Variants in PLA2G4A observed in about 807,000 individuals in gnomAD.
PLA2G4A encodes the protein phospholipase A2 group IVA.
In PLA2G4A, 40 loss-of-function variants were observed where a neutral mutation model predicts 81.9. The observed-to-expected ratio is 0.49, with a 90% CI of 0.38 to 0.64. PLA2G4A has a LOEUF of 0.64. PLA2G4A is among the 30% of genes least tolerant of loss of function. PLA2G4A has a pLI of 0.00. For synonymous variants in PLA2G4A, 302 were observed against 296.9 expected (o/e 1.02, Z -0.18); for missense variants, 715 against 905.1 (o/e 0.79, Z 2.69).
chr1:186,869,732 A>G (rs1267823908), intron 2 of PLA2G4A, among the ~76,000 whole-genome samples: 3 of 152,148 alleles, frequency 2.0e-5, no homozygotes, highest in Admixed American at 6.6e-5. Context: ...TTAGATAAAG[A>G]CCTTGTAATC....
intron 17 of PLA2G4A, among the ~76,000 whole-genome samples, chr1:186,986,558 C>T (rs759862716): frequency 2.0e-5 from 3 of 152,190 alleles, no homozygotes; most frequent in Non-Finnish European, 4.4e-5. Flanking sequence ...TTCTTGGCTA[C>T]ACACCTGGTG....
intron 6 of PLA2G4A, among the ~76,000 whole-genome samples, chr1:186,907,619 C>G (rs999556422): frequency 1.3e-5 from 2 of 152,220 alleles, no homozygotes; most frequent in African/African-American, 4.8e-5. Flanking sequence ...CTCTCTGCAT[C>G]TCTTTGAACT....
chr1:186,854,530 G>C, intron 2 of PLA2G4A, 143 bp downstream of exon 2: 1 of 612,616 alleles, frequency 1.6e-6, no homozygotes, highest in Non-Finnish European at 3.0e-6. Context: ...ATAATACAAA[G>C]AGGCTATGGA....
intron 7 of PLA2G4A, among the ~76,000 whole-genome samples, chr1:186,921,358 A>G (rs879446378): frequency 8.5e-5 from 13 of 152,214 alleles, no homozygotes; most frequent in Non-Finnish European, 1.5e-4. Context: ...ATGAGTCTGT[A>G]TAATAGTTTG....
At chr1:186,912,264 AC>A (rs1430337503) in intron 7 of PLA2G4A, among the ~76,000 whole-genome samples, 1 of 152,164 alleles carries the variant, frequency 6.6e-6, no homozygotes, top group Non-Finnish European at 1.5e-5. Context: ...AACATCCCAC[AC>A]CAGAGTGGTA....
chr1:186,836,951 A>G (rs1651798681), intron 1 of PLA2G4A, among the ~76,000 whole-genome samples: 1 of 152,186 alleles, frequency 6.6e-6, no homozygotes, highest in African/African-American at 2.4e-5. Context: ...GACGGATAAA[A>G]AGCCATCTAC....
At chr1:186,981,374 AT>A (rs1317582980) in intron 17 of PLA2G4A, among the ~76,000 whole-genome samples, 1 of 152,174 alleles carries the variant, frequency 6.6e-6, no homozygotes, top group Admixed American at 6.5e-5. Flanking sequence ...ATACAGTTTT[AT>A]TTATATATTT....
intron 14 of PLA2G4A, 108 bp from the exon 15 acceptor site, chr1:186,965,301 G>C (rs1454529588): frequency 2.5e-6 from 2 of 808,118 alleles, no homozygotes; most frequent in East Asian, 2.7e-5. Flanking sequence ...CAAAGCCTGA[G>C]GGCCTAATCA....
At chr1:186,936,328 A>G (rs1268739837) in intron 8 of PLA2G4A, among the ~76,000 whole-genome samples, 1 of 151,980 alleles carries the variant, frequency 6.6e-6, no homozygotes, top group Non-Finnish European at 1.5e-5. Context: ...AAAGGTCAAG[A>G]TATGTGTTAG....
At chr1:186,892,308 A>G (rs1200332848) in intron 3 of PLA2G4A, among the ~76,000 whole-genome samples, 1 of 151,668 alleles carries the variant, frequency 6.6e-6, no homozygotes, top group East Asian at 1.9e-4. Context: ...ATGTGATCCC[A>G]TTTGCCCATT....
intron 10 of PLA2G4A, among the ~76,000 whole-genome samples, chr1:186,945,069 T>A (rs7526859): frequency 0.96 from 145,829 of 152,218 alleles, 69,899 homozygotes; most frequent in East Asian, 1. Flanking sequence ...ATGAAGTGGG[T>A]TAGAGAATTA....
Position 186,883,092 on chromosome 1 carries a change from G to C in PLA2G4A, c.116-9919G>C, listed in dbSNP as rs570867345. ...ATATTGAGTTTGAGGTATCTTTAAG[G>C]TATTCAAGGTATTTTTGAGGCATTT... On this transcript the variant is annotated intron_variant, in intron 3 of 17. Coordinates refer to ENST00000367466, the MANE Select transcript of PLA2G4A (RefSeq NM_024420.3). Among the ~76,000 whole-genome samples the C allele has an allele frequency of 2.0e-5, 3 of 152,038 alleles. No individual in the cohort carries two copies. The East Asian group carries it at 5.8e-4, about 29-fold the overall frequency.
At chr1:186,875,375 A>G (rs1653428422) in intron 3 of PLA2G4A, among the ~76,000 whole-genome samples, 1 of 152,096 alleles carries the variant, frequency 6.6e-6, no homozygotes, top group Admixed American at 6.6e-5. Flanking sequence ...ATCAATGAGA[A>G]TGATAGAAAT....
intron 7 of PLA2G4A, 104 bp from the exon 8 acceptor site, chr1:186,932,659 T>C: frequency 8.4e-7 from 1 of 1,187,122 alleles, no homozygotes; most frequent in Non-Finnish European, 1.3e-6. Flanking sequence ...CTTACACTTC[T>C]TTGTGACAAA....
chr1:186,915,977 C>T (rs536206387), intron 7 of PLA2G4A, among the ~76,000 whole-genome samples: 2 of 152,268 alleles, frequency 1.3e-5, no homozygotes, highest in South Asian at 4.1e-4. Flanking sequence ...GGTACTAATT[C>T]TCGGGCTTTC....
chr1:186,841,514 A>G (rs1036777384), intron 1 of PLA2G4A, among the ~76,000 whole-genome samples: 2 of 152,218 alleles, frequency 1.3e-5, no homozygotes, highest in African/African-American at 4.8e-5. Context: ...GTTCAGTTTC[A>G]GCTGTTCCCC....
intron 17 of PLA2G4A, among the ~76,000 whole-genome samples, chr1:186,981,795 T>G (rs146895671): frequency 6.6e-6 from 1 of 152,178 alleles, no homozygotes; most frequent in East Asian, 1.9e-4. Flanking sequence ...CATTAAAAAA[T>G]AATATGAAAG....
At chr1:186,967,536 G>T (rs927858969) in intron 15 of PLA2G4A, among the ~76,000 whole-genome samples, 1 of 151,976 alleles carries the variant, frequency 6.6e-6, no homozygotes, top group Non-Finnish European at 1.5e-5. Flanking sequence ...TAACATTTTG[G>T]TTTTTTGGGG....
intron 2 of PLA2G4A, 79 bp from the exon 3 acceptor site, chr1:186,870,356 T>C: frequency 1.2e-6 from 1 of 834,156 alleles, no homozygotes; most frequent in Non-Finnish European, 2.1e-6. Context: ...TTAAGTAGAA[T>C]ATTTTAAATT....
Sources: allele counts gnomAD v4.1 joint callset (sites outside exome capture counted in the v4.1 genomes callset), GRCh38; gene constraint gnomAD v4.1.1; transcripts MANE v1.5; gene names NCBI Gene and HGNC (gene_info 2026-07-23, HGNC 2026-07-21).